Variants in VPS8 observed in about 807,000 individuals in gnomAD.
VPS8 encodes the protein VPS8 subunit of CORVET complex, also known as vacuolar protein sorting-associated protein 8 homolog.
Under a neutral mutation model 216.4 loss-of-function variants are expected in VPS8, and 129 were observed. The ratio of observed to expected loss-of-function variants is 0.60; its 90% CI spans 0.52 to 0.69. The LOEUF (loss-of-function observed/expected upper bound fraction) is 0.69. VPS8 is among the 30% of genes least tolerant of loss of function. VPS8 has a pLI of 0.00. For synonymous variants in VPS8, 571 were observed against 565.4 expected (o/e 1.01, Z -0.14); for missense variants, 1,531 against 1,683.5 (o/e 0.91, Z 1.59).
chr3:184,853,708 TA>T, intron 11 of VPS8, 148 bp from the exon 12 acceptor site: 2 of 750,360 alleles, frequency 2.7e-6, no homozygotes, highest in Non-Finnish European at 4.2e-6. Flanking sequence ...ACTTGTATAA[TA>T]AAAAGACCAT....
At chr3:184,855,972 G>A (rs551062723) in intron 14 of VPS8, among the ~76,000 whole-genome samples, 154 bp downstream of exon 14, 1 of 152,168 alleles carries the variant, frequency 6.6e-6, no homozygotes, top group South Asian at 2.1e-4. Flanking sequence ...GATTAGCATC[G>A]GAAAATGGTG....
At chr3:184,961,554 T>TC (rs1225454798) in intron 37 of VPS8, among the ~76,000 whole-genome samples, 1 of 152,024 alleles carries the variant, frequency 6.6e-6, no homozygotes, top group African/African-American at 2.4e-5. Context: ...TCTGTCTTAT[T>TC]CCCCCCTCTC....
intron 47 of VPS8, 141 bp downstream of exon 47, chr3:185,048,700 AC>A: frequency 1.2e-6 from 1 of 851,018 alleles, no homozygotes. Context: ...TACATGGACA[AC>A]AGACCCTGGC....
chr3:184,985,039 A>T (rs1677718334), intron 42 of VPS8, among the ~76,000 whole-genome samples: 1 of 152,208 alleles, frequency 6.6e-6, no homozygotes. Context: ...GTTAACTCCC[A>T]CTAATCAGGA....
rs1282523182 is a variant in VPS8 at position 184,834,678 on chromosome 3, T to C, written c.383T>C (p.Leu128Pro). ...RKKKLPDSFS[L>P]HGSVMRHSLL... The stretch of plus-strand genomic sequence containing the variant: ...AAGAAATTACCTGATTCTTTTTCAC[T>C]TCATGGATCAGTTATGCGCCATTCA... The change falls in exon 5 of 48, where the codon CTT becomes CCT. Residue 128 changes from leucine (L) to proline (P), a missense_variant. Leu to Pro is a moderately conservative substitution (Grantham distance 98, BLOSUM62 -3). Transcript: ENST00000625842. 4 of 1,556,778 alleles carry C rather than the reference T, an allele frequency of 2.6e-6. No homozygotes were observed. Among genetic ancestry groups the C allele is most frequent in the Non-Finnish European group, 3.5e-6 (4 of 1,149,916 alleles).
chr3:184,985,075 A>G (rs1254528331), intron 42 of VPS8, among the ~76,000 whole-genome samples: 1 of 152,042 alleles, frequency 6.6e-6, no homozygotes, highest in African/African-American at 2.4e-5. Flanking sequence ...TAAATTCCTC[A>G]TTTGCATGTT....
At chr3:184,877,562 C>T (rs769168115) in intron 21 of VPS8, among the ~76,000 whole-genome samples, 2 of 152,128 alleles carry the variant, frequency 1.3e-5, no homozygotes, top group Admixed American at 6.5e-5. Context: ...GTCCTTATAA[C>T]GTACTTGAGG....
intron 45 of VPS8, among the ~76,000 whole-genome samples, chr3:185,019,712 A>G (rs6444017): frequency 6.6e-6 from 1 of 152,118 alleles, no homozygotes; most frequent in Non-Finnish European, 1.5e-5. Context: ...CGTGGGCGTC[A>G]TGGCCATCAC....
intron 22 of VPS8, among the ~76,000 whole-genome samples, chr3:184,890,374 G>T (rs1449093918): frequency 6.6e-6 from 1 of 152,006 alleles, no homozygotes; most frequent in African/African-American, 2.4e-5. Context: ...ACTCAATCCT[G>T]TTCCCCAGAT....
At chr3:184,883,026 G>A (rs959218144) in intron 21 of VPS8, among the ~76,000 whole-genome samples, 3 of 152,066 alleles carry the variant, frequency 2.0e-5, no homozygotes, top group African/African-American at 4.8e-5. Context: ...ATTGCTAAAC[G>A]CAATAAATAT....
At chr3:184,921,833 G>T (rs760385790) in intron 29 of VPS8, among the ~76,000 whole-genome samples, 27 of 152,116 alleles carry the variant, frequency 1.8e-4, no homozygotes, top group African/African-American at 6.5e-4. Flanking sequence ...CCAAAGTGCC[G>T]GGATTACAGG....
At chr3:184,885,154 C>T (rs1273819254) in intron 21 of VPS8, among the ~76,000 whole-genome samples, 1 of 152,208 alleles carries the variant, frequency 6.6e-6, no homozygotes, top group Non-Finnish European at 1.5e-5. Context: ...ACCTCTCTCT[C>T]AAATAATAAG....
At chr3:184,922,714 A>G (rs968090637) in intron 29 of VPS8, among the ~76,000 whole-genome samples, 1 of 152,078 alleles carries the variant, frequency 6.6e-6, no homozygotes, top group Non-Finnish European at 1.5e-5. Flanking sequence ...CTTGTGAGGG[A>G]TCCGGTGAGA....
intron 45 of VPS8, among the ~76,000 whole-genome samples, chr3:185,004,533 C>T (rs1753966874): frequency 6.6e-6 from 1 of 151,848 alleles, no homozygotes; most frequent in Non-Finnish European, 1.5e-5. Flanking sequence ...AGGGAGAGCT[C>T]TTTTTTATTT....
At position 184,924,867 on chromosome 3, in the gene VPS8, G is replaced by T. The variant is rs745954835; in HGVS notation, c.2460G>T (p.Met820Ile). The T allele has an allele frequency of 6.2e-7, 1 of 1,611,026 alleles. No homozygotes were observed. The highest frequency in any genetic ancestry group is 8.5e-7 in the Non-Finnish European group (1 of 1,179,172). Residue 820 changes from methionine (M) to isoleucine (I), a missense_variant, in exon 30 of 48, where the codon ATG (methionine) becomes ATT (isoleucine). Physicochemically the swap from Met to Ile is conservative, Grantham distance 10 (BLOSUM62 1). This residue lies in a region of VPS8 where 1,318 missense variants were observed against 1,468.4 expected (regional missense o/e 0.90). Transcript: ENST00000625842. ...QRIVDILLKV[M>I]VENSDFTPSQ... The stretch of plus-strand genomic sequence containing the variant: ...TGGTCTCCTTTGCTCTTCAGGTTAT[G>T]GTGGAGAATTCAGACTTTACCCCCT...
chr3:184,894,508 G>GTATATATATCTATATA (rs1732984389), intron 22 of VPS8, among the ~76,000 whole-genome samples, 195 bp from the exon 23 acceptor site: 1 of 133,128 alleles, frequency 7.5e-6, no homozygotes, highest in Non-Finnish European at 1.6e-5. Context: ...ATATACACAC[G>GTATATATATCTATATA]TATATATATA....
chr3:184,920,382 T>G (rs1738398379), intron 29 of VPS8, among the ~76,000 whole-genome samples, 184 bp downstream of exon 29: 2 of 152,216 alleles, frequency 1.3e-5, no homozygotes. Context: ...TAAAAAATTT[T>G]TAGTGTATGT....
intron 11 of VPS8, among the ~76,000 whole-genome samples, chr3:184,853,107 A>C (rs1724617871): frequency 6.6e-6 from 1 of 152,186 alleles, no homozygotes; most frequent in African/African-American, 2.4e-5. Context: ...AACAATGCTA[A>C]GTACAAAGTA....
intron 35 of VPS8, 78 bp from the exon 36 acceptor site, chr3:184,940,118 TA>T: frequency 1.3e-6 from 1 of 758,830 alleles, no homozygotes; most frequent in Non-Finnish European, 2.0e-6. Flanking sequence ...AGGGATAGGT[TA>T]AAGTAGTTCT....
Sources: gnomAD v4.1 joint callset for allele counts (sites outside exome capture counted in the v4.1 genomes callset) on GRCh38, gnomAD v4.1.1 for gene constraint, gnomAD v4.1.1 regional missense constraint, MANE v1.5 for transcripts, NCBI Gene and HGNC (gene_info 2026-07-23, HGNC 2026-07-21) for gene names.